FANK1: variants seen among roughly 807,000 people sequenced by gnomAD.
FANK1 encodes the protein fibronectin type 3 and ankyrin repeat domains protein 1.
In FANK1, 44 loss-of-function variants were observed where a neutral mutation model predicts 45.3. The ratio of observed to expected loss-of-function variants is 0.97; its 90% CI spans 0.76 to 1.25. FANK1 has a LOEUF of 1.25. FANK1 is among the 50% of genes most tolerant of loss of function. FANK1 has a pLI of 0.00. For synonymous variants in FANK1, 149 were observed against 152.5 expected (o/e 0.98, Z 0.17); for missense variants, 391 against 424.4 (o/e 0.92, Z 0.69).
intron 1 of FANK1, among the ~76,000 whole-genome samples, chr10:125,925,452 A>G (rs1430804806): frequency 6.6e-6 from 1 of 152,162 alleles, no homozygotes; most frequent in Non-Finnish European, 1.5e-5. Context: ...GCTATAGTGC[A>G]GGGGCTGTTC....
chr10:125,933,475 A>G (rs1947883108), intron 1 of FANK1, among the ~76,000 whole-genome samples: 1 of 151,986 alleles, frequency 6.6e-6, no homozygotes. Flanking sequence ...GTCAGTTGTA[A>G]TATCTCCTGT....
intron 1 of FANK1, among the ~76,000 whole-genome samples, chr10:125,915,618 C>T (rs1268508826): frequency 6.6e-6 from 1 of 152,202 alleles, no homozygotes; most frequent in Non-Finnish European, 1.5e-5. Context: ...AGTTCAAGAC[C>T]AGCCTGAGCA....
intron 1 of FANK1, among the ~76,000 whole-genome samples, chr10:125,903,474 TC>T (rs1260411896): frequency 1.3e-5 from 2 of 152,270 alleles, no homozygotes; most frequent in African/African-American, 2.4e-5. Context: ...TAGAAACTCT[TC>T]CAGGCCTTTT....
intron 1 of FANK1, among the ~76,000 whole-genome samples, chr10:125,927,843 G>A (rs1315897246): frequency 6.6e-6 from 1 of 152,138 alleles, no homozygotes; most frequent in Non-Finnish European, 1.5e-5. Flanking sequence ...ACTGTGCCCG[G>A]CCCTAAACTT....
At position 125,899,462 on chromosome 10, in the gene FANK1, C is replaced by T. The variant is rs564044563; in HGVS notation, c.13+2807C>T. On this transcript the variant is annotated intron_variant, in intron 1 of 10. Coordinates refer to ENST00000368693, the MANE Select transcript of FANK1 (RefSeq NM_145235.5). Reference sequence around the variant, plus strand: ...CTGGCCTCAAGTGATCCTCCTGCCTCGTCCTCCCAAAGTGCTAAGATTACA... The same window carrying T: ...CTGGCCTCAAGTGATCCTCCTGCCTTGTCCTCCCAAAGTGCTAAGATTACA... Among the ~76,000 whole-genome samples, 1,343 of 152,290 alleles carry T rather than the reference C, an allele frequency of 8.8e-3. 8 individuals are homozygous for T. The highest frequency in any genetic ancestry group is 0.031 in the African/African-American group (1,301 of 41,564).
chr10:125,930,718 C>CT (rs35067468), intron 1 of FANK1, among the ~76,000 whole-genome samples: 10 of 151,880 alleles, frequency 6.6e-5, no homozygotes, highest in African/African-American at 1.9e-4. Flanking sequence ...CTGTAAGTTC[C>CT]TTTTTTAAAA....
At chr10:125,933,101 C>T (rs1202243482) in intron 1 of FANK1, among the ~76,000 whole-genome samples, 1 of 152,060 alleles carries the variant, frequency 6.6e-6, no homozygotes, top group African/African-American at 2.4e-5. Context: ...ATTTGGTTAG[C>T]TAGTATTTTG....
intron 1 of FANK1, among the ~76,000 whole-genome samples, chr10:125,937,078 A>T (rs1335751220): frequency 2.0e-5 from 3 of 152,182 alleles, no homozygotes; most frequent in Non-Finnish European, 4.4e-5. Context: ...TCAAAAAAAA[A>T]AATAAAATAA....
At chr10:125,905,521 T>A (rs566528845) in intron 1 of FANK1, among the ~76,000 whole-genome samples, 70 of 151,356 alleles carry the variant, frequency 4.6e-4, no homozygotes, top group Middle Eastern at 3.4e-3. Flanking sequence ...ACCTTTCAAT[T>A]TGTTGCTGCC....
chr10:126,005,388 GCCTCCGCCTCCC>G (rs1019264550), intron 7 of FANK1, among the ~76,000 whole-genome samples: 4 of 150,950 alleles, frequency 2.6e-5, no homozygotes, highest in African/African-American at 9.7e-5. Context: ...GTTCATTGAG[GCCTCCGCCTCCC>G]AGGTTCAAGC....
intron 1 of FANK1, chr10:125,973,528 C>T (rs1391469143): frequency 1.1e-6 from 1 of 892,026 alleles, no homozygotes; most frequent in African/African-American, 1.8e-5. Flanking sequence ...CCTTCTTCCA[C>T]ATGTATCCCT....
intron 8 of FANK1, among the ~76,000 whole-genome samples, 154 bp downstream of exon 8, chr10:126,008,704 G>A (rs1348726084): frequency 1.3e-5 from 2 of 152,196 alleles, no homozygotes; most frequent in Non-Finnish European, 2.9e-5. Context: ...ATAAGGGCAT[G>A]AGGCTGTCAC....
intron 1 of FANK1, among the ~76,000 whole-genome samples, chr10:125,937,519 G>A (rs1948181293): frequency 6.6e-6 from 1 of 152,118 alleles, no homozygotes; most frequent in African/African-American, 2.4e-5. Flanking sequence ...CTTTTTTCAT[G>A]TATAAGCTTT....
At chr10:126,001,268 A>G (rs947401139) in intron 6 of FANK1, among the ~76,000 whole-genome samples, 12 of 152,350 alleles carry the variant, frequency 7.9e-5, no homozygotes, top group African/African-American at 2.9e-4. Flanking sequence ...AATATTTAGT[A>G]TGTGTTATGA....
chr10:126,003,615 AT>A, intron 6 of FANK1, among the ~76,000 whole-genome samples: 1 of 152,252 alleles, frequency 6.6e-6, no homozygotes, highest in East Asian at 1.9e-4. Context: ...TTAGAAAATA[AT>A]TTCTGGGATA....
At chr10:125,941,589 A>G (rs1359308967) in intron 1 of FANK1, among the ~76,000 whole-genome samples, 1 of 152,244 alleles carries the variant, frequency 6.6e-6, no homozygotes, top group South Asian at 2.1e-4. Flanking sequence ...ATACCAAGAA[A>G]CCAAGAATGT....
chr10:126,004,882 A>T lies in FANK1; in HGVS notation c.540-2A>T. On this transcript the variant is annotated splice_acceptor_variant, in intron 6 of 10. Coordinates refer to ENST00000368693, the MANE Select transcript of FANK1 (RefSeq NM_145235.5). LOFTEE classifies it high-confidence loss of function. ...AAATGCCGCTTCTTCCATATGTTGCAGTCTAATGCTGGCGTGCTATGCGGG... is the reference window on the plus strand; with the variant it reads ...AAATGCCGCTTCTTCCATATGTTGCTGTCTAATGCTGGCGTGCTATGCGGG... 1 of 1,613,976 alleles carries T rather than the reference A, an allele frequency of 6.2e-7. No homozygotes were observed. Among genetic ancestry groups the T allele is most frequent in the Non-Finnish European group, 8.5e-7 (1 of 1,179,890 alleles).
At chr10:125,992,413 A>G (rs1240780953) in intron 3 of FANK1, among the ~76,000 whole-genome samples, 2 of 152,174 alleles carry the variant, frequency 1.3e-5, no homozygotes, top group African/African-American at 2.4e-5. Flanking sequence ...AGGAGTTAAC[A>G]CTGAGAAAGA....
intron 1 of FANK1, among the ~76,000 whole-genome samples, chr10:125,913,389 A>G (rs922658491): frequency 1.9e-4 from 29 of 152,174 alleles, no homozygotes; most frequent in African/African-American, 6.5e-4. Context: ...GCAGTCGGCC[A>G]AAAGGAGGAA....
Sources: allele counts gnomAD v4.1 joint callset (sites outside exome capture counted in the v4.1 genomes callset), GRCh38; gene constraint gnomAD v4.1.1; transcripts MANE v1.5; gene names NCBI Gene and HGNC (gene_info 2026-07-23, HGNC 2026-07-21).